SLAIN2: variants seen among roughly 807,000 people sequenced by gnomAD.
SLAIN2 encodes SLAIN motif-containing protein 2.
In SLAIN2, 31 loss-of-function variants were observed where a neutral mutation model predicts 56.6. The ratio of observed to expected loss-of-function variants is 0.55; its 90% CI spans 0.41 to 0.74. SLAIN2 has a LOEUF of 0.74. Among genes scored for constraint, SLAIN2 ranks in the 30% least tolerant of loss-of-function variants. SLAIN2 has a pLI of 0.00. For synonymous variants in SLAIN2, 317 were observed against 284.9 expected (o/e 1.11, Z -1.13); for missense variants, 777 against 754.2 (o/e 1.03, Z -0.35).
At chr4:48,376,913 CTTTTTT>C (rs11347630) in intron 2 of SLAIN2, among the ~76,000 whole-genome samples, 1 of 111,748 alleles carries the variant, frequency 8.9e-6, no homozygotes, top group Non-Finnish European at 1.8e-5. Flanking sequence ...GCCCGGCCGA[CTTTTTT>C]TTTTTTTTTT....
At position 48,412,014 on chromosome 4, in the gene SLAIN2, G is replaced by GA. The variant is rs201655725; in HGVS notation, c.1361-8108dup. Among the ~76,000 whole-genome samples the GA allele has an allele frequency of 6.7e-4, 91 of 136,482 alleles. 1 individual carries two copies. The highest frequency in any genetic ancestry group is 1.3e-3 in the Admixed American group (18 of 13,624). The allele number at this position is 136,482 out of a possible 152,430, so 89.5% of individuals were successfully genotyped here. A position where few individuals can be genotyped will look rare whatever the true frequency, so the allele number is the denominator to read the frequency against. On this transcript the variant is annotated intron_variant, in intron 6 of 7. Transcript: ENST00000264313. Reference sequence around the variant, plus strand: ...GTATGTTTTTATGGAGAGAGTTGAGGAAATTCGTAAATTACACCAATGCCG... The same window carrying GA: ...GTATGTTTTTATGGAGAGAGTTGAGGAAAATTCGTAAATTACACCAATGCCG...
At chr4:48,391,594 T>C (rs768030365) in intron 6 of SLAIN2, among the ~76,000 whole-genome samples, 1 of 152,178 alleles carries the variant, frequency 6.6e-6, no homozygotes, top group Non-Finnish European at 1.5e-5. Context: ...TTGCCTACTC[T>C]TGGGGAGGTG....
chr4:48,380,366 A>G (rs1715939723), intron 4 of SLAIN2, among the ~76,000 whole-genome samples: 1 of 152,148 alleles, frequency 6.6e-6, no homozygotes, highest in Non-Finnish European at 1.5e-5. Flanking sequence ...TCACACCCCA[A>G]GAACCAGTTT....
intron 1 of SLAIN2, among the ~76,000 whole-genome samples, chr4:48,360,471 A>G (rs1221663922): frequency 6.6e-6 from 1 of 151,916 alleles, no homozygotes; most frequent in Non-Finnish European, 1.5e-5. Context: ...GCACGCTTGT[A>G]ATTCCAGCTA....
At chr4:48,378,602 T>G (rs1234467020) in intron 3 of SLAIN2, among the ~76,000 whole-genome samples, 1 of 152,190 alleles carries the variant, frequency 6.6e-6, no homozygotes, top group Non-Finnish European at 1.5e-5. Flanking sequence ...TTATTTACTC[T>G]TATTGTCGCT....
intron 4 of SLAIN2, among the ~76,000 whole-genome samples, chr4:48,380,633 G>A (rs972226861): frequency 2.0e-5 from 3 of 152,100 alleles, no homozygotes; most frequent in African/African-American, 7.2e-5. Flanking sequence ...TCATCTGAAG[G>A]TACTTATTCT....
intron 6 of SLAIN2, among the ~76,000 whole-genome samples, chr4:48,394,190 T>C (rs1577729240): frequency 6.6e-6 from 1 of 152,238 alleles, no homozygotes; most frequent in South Asian, 2.1e-4. Flanking sequence ...TTTGCCAAAA[T>C]CTGCTTTTTT....
At chr4:48,381,896 T>C (rs1048966761) in intron 4 of SLAIN2, among the ~76,000 whole-genome samples, 2 of 152,220 alleles carry the variant, frequency 1.3e-5, no homozygotes, top group Non-Finnish European at 2.9e-5. Flanking sequence ...GCATCTGTAC[T>C]ATTTGAAGGG....
intron 7 of SLAIN2, among the ~76,000 whole-genome samples, chr4:48,421,554 A>C (rs962630548): frequency 6.6e-6 from 1 of 152,164 alleles, no homozygotes; most frequent in African/African-American, 2.4e-5. Flanking sequence ...TAATGGAATT[A>C]AGTAATTTGC....
At chr4:48,412,404 ACACAC>A (rs1716885263) in intron 6 of SLAIN2, among the ~76,000 whole-genome samples, 4 of 55,458 alleles carry the variant, frequency 7.2e-5, no homozygotes, top group African/African-American at 2.2e-4. Context: ...ACACACACAC[ACACAC>A]ACACACATTC....
At chr4:48,410,594 A>G (rs1470677308) in intron 6 of SLAIN2, among the ~76,000 whole-genome samples, 1 of 152,046 alleles carries the variant, frequency 6.6e-6, no homozygotes, top group Non-Finnish European at 1.5e-5. Flanking sequence ...CGGTACTTGG[A>G]GCTTTCTGCA....
At chr4:48,372,112 C>T (rs1428937103) in intron 2 of SLAIN2, among the ~76,000 whole-genome samples, 1 of 151,516 alleles carries the variant, frequency 6.6e-6, no homozygotes, top group Non-Finnish European at 1.5e-5. Flanking sequence ...AGTACCCCAC[C>T]TTAGAAATAA....
chr4:48,373,039 A>G (rs191266298), intron 2 of SLAIN2, among the ~76,000 whole-genome samples: 122 of 152,072 alleles, frequency 8.0e-4, no homozygotes, highest in Non-Finnish European at 1.6e-3. Flanking sequence ...GTTTTTTTTG[A>G]CAGTGTATTG....
chr4:48,402,820 G>T (rs1477561041), intron 6 of SLAIN2, among the ~76,000 whole-genome samples: 2 of 152,200 alleles, frequency 1.3e-5, no homozygotes, highest in Admixed American at 6.5e-5. Context: ...TGAGTTTTCA[G>T]TGTTTTTGCA....
chr4:48,381,257 A>G (rs552066140), intron 4 of SLAIN2, among the ~76,000 whole-genome samples: 1 of 152,130 alleles, frequency 6.6e-6, no homozygotes, highest in Non-Finnish European at 1.5e-5. Flanking sequence ...TCTTACTTTA[A>G]TAATTTTTTC....
At chr4:48,411,483 T>C (rs182077842) in intron 6 of SLAIN2, among the ~76,000 whole-genome samples, 1 of 152,296 alleles carries the variant, frequency 6.6e-6, no homozygotes, top group East Asian at 1.9e-4. Context: ...AACTTCATTC[T>C]TTTGTACGTG....
chr4:48,402,889 TTGAA>T (rs1406399226), intron 6 of SLAIN2, among the ~76,000 whole-genome samples: 1 of 152,232 alleles, frequency 6.6e-6, no homozygotes, highest in African/African-American at 2.4e-5. Flanking sequence ...TTGCTGACCT[TTGAA>T]TGGGGCTTTT....
At chr4:48,357,090 T>C (rs1233885884) in intron 1 of SLAIN2, among the ~76,000 whole-genome samples, 1 of 151,046 alleles carries the variant, frequency 6.6e-6, no homozygotes, top group Non-Finnish European at 1.5e-5. Context: ...ATTTTTAATA[T>C]TCCTCTAAAA....
At position 48,425,413 on chromosome 4, in the gene SLAIN2, C is replaced by T. The variant is rs1717275116; in HGVS notation, c.*3336C>T. On this transcript the variant is annotated 3_prime_UTR_variant, in exon 8 of 8. Transcript: ENST00000264313. Reference sequence around the variant, plus strand: ...CCAAGAGGGACAATTAATGCATTTTCATACCAAATGCGAATATTTAGGTGA... The same window carrying T: ...CCAAGAGGGACAATTAATGCATTTTTATACCAAATGCGAATATTTAGGTGA... 1.3e-5 allele frequency: 2 copies of T among 152,074 alleles called. No homozygotes were observed. The highest frequency in any genetic ancestry group is 6.6e-5 in the Admixed American group (1 of 15,264). The allele number at this position is 152,074 out of a possible 1,614,324, so 9.4% of individuals were successfully genotyped here.
Sources: gnomAD v4.1 joint callset for allele counts (sites outside exome capture counted in the v4.1 genomes callset) on GRCh38, gnomAD v4.1.1 for gene constraint, MANE v1.5 for transcripts, NCBI Gene and HGNC (gene_info 2026-07-23, HGNC 2026-07-21) for gene names.